IGSF10: variants seen among roughly 807,000 people sequenced by gnomAD.
The protein encoded by IGSF10 is immunoglobulin superfamily member 10.
In IGSF10, 126 loss-of-function variants were observed where a neutral mutation model predicts 128.2. That is an observed-to-expected ratio of 0.98 (90% CI 0.85 to 1.14). The LOEUF (loss-of-function observed/expected upper bound fraction) is 1.14, where lower values mean the gene tolerates loss of function less well. Ranked by LOEUF, IGSF10 falls within the 50% of genes most tolerant of loss-of-function variation. IGSF10 has a pLI of 0.00. For synonymous variants in IGSF10, 1,185 were observed against 1,146.2 expected (o/e 1.03, Z -0.68); for missense variants, 3,295 against 3,149.8 (o/e 1.05, Z -1.10).
chr3:151,512,894 C>T, the IGSF10 span, among the ~76,000 whole-genome samples: 2 of 152,202 alleles, frequency 1.3e-5, no homozygotes, highest in African/African-American at 4.8e-5. Flanking sequence ...GACACATACA[C>T]CCTCCCAAGA....
chr3:151,572,210 G>A, the IGSF10 span, among the ~76,000 whole-genome samples: 1 of 152,120 alleles, frequency 6.6e-6, no homozygotes, highest in Non-Finnish European at 1.5e-5. Context: ...GCCAGGTTTT[G>A]GTATCAGGAT....
At chr3:151,606,827 T>G in the IGSF10 span, among the ~76,000 whole-genome samples, 4 of 152,316 alleles carry the variant, frequency 2.6e-5, no homozygotes, top group South Asian at 8.3e-4. Context: ...TTTAAGTTTC[T>G]CTCTGTGATT....
chr3:151,572,643 A>G, the IGSF10 span, among the ~76,000 whole-genome samples: 1 of 151,710 alleles, frequency 6.6e-6, no homozygotes. Flanking sequence ...TGTACTATCT[A>G]TTTTGTTGAG....
At chr3:151,588,392 T>A in the IGSF10 span, among the ~76,000 whole-genome samples, 1 of 152,158 alleles carries the variant, frequency 6.6e-6, no homozygotes, top group African/African-American at 2.4e-5. Flanking sequence ...TAGCTGATTG[T>A]CTGCCATAAC....
chr3:151,610,967 A>G, the IGSF10 span, among the ~76,000 whole-genome samples: 1 of 152,190 alleles, frequency 6.6e-6, no homozygotes, highest in Admixed American at 6.6e-5. Flanking sequence ...ATTTTAGAGG[A>G]TACATTCAAA....
the IGSF10 span, among the ~76,000 whole-genome samples, chr3:151,537,062 T>G: frequency 6.6e-6 from 1 of 152,168 alleles, no homozygotes; most frequent in Non-Finnish European, 1.5e-5. Flanking sequence ...AATATTTGCT[T>G]GGGATGATTT....
the IGSF10 span, among the ~76,000 whole-genome samples, chr3:151,547,835 T>C: frequency 6.6e-6 from 1 of 152,194 alleles, no homozygotes; most frequent in Non-Finnish European, 1.5e-5. Context: ...CAAATGGAAT[T>C]CTAGGTTTAA....
the IGSF10 span, among the ~76,000 whole-genome samples, chr3:151,519,619 G>A: frequency 1.3e-5 from 2 of 151,806 alleles, no homozygotes; most frequent in African/African-American, 4.8e-5. Context: ...TGGATGGGCT[G>A]CCTGCAGAAT....
At chr3:151,435,607 T>A (rs1268083131), downstream of IGSF10, 3 of 126,778 alleles carry the variant, frequency 2.4e-5, no homozygotes, top group African/African-American at 8.7e-5. Context: ...TTCCCATTTA[T>A]AAAGCTCCTA....
At chr3:151,576,075 T>C in the IGSF10 span, among the ~76,000 whole-genome samples, 1 of 152,060 alleles carries the variant, frequency 6.6e-6, no homozygotes, top group Non-Finnish European at 1.5e-5. Context: ...CTAGGTTTGA[T>C]GTGTGCGTGT....
chr3:151,497,482 T>C, the IGSF10 span, among the ~76,000 whole-genome samples: 1 of 152,194 alleles, frequency 6.6e-6, no homozygotes, highest in Non-Finnish European at 1.5e-5. Context: ...GATCAGATAG[T>C]TGTAGATATG....
the IGSF10 span, among the ~76,000 whole-genome samples, chr3:151,514,840 T>C: frequency 1.4e-4 from 22 of 152,126 alleles, no homozygotes; most frequent in African/African-American, 5.3e-4. Context: ...AAGAAGACAT[T>C]TATGCAGCCA....
At chr3:151,609,462 C>A in the IGSF10 span, among the ~76,000 whole-genome samples, 71 of 152,158 alleles carry the variant, frequency 4.7e-4, no homozygotes, top group African/African-American at 1.7e-3. Flanking sequence ...TTTTCTCTAG[C>A]TGCCTTTTGA....
downstream of IGSF10, chr3:151,433,557 G>A (rs1475205245): frequency 6.6e-6 from 1 of 152,418 alleles, no homozygotes; most frequent in East Asian, 1.9e-4. Context: ...ATTGATGAGA[G>A]TCATTGTGAA....
the IGSF10 span, among the ~76,000 whole-genome samples, chr3:151,560,724 C>T: frequency 5.3e-5 from 8 of 151,900 alleles, 1 homozygote; most frequent in South Asian, 1.0e-3. Flanking sequence ...GTCCCACAAT[C>T]TCTTAAGCAA....
the IGSF10 span, among the ~76,000 whole-genome samples, chr3:151,606,166 A>G: frequency 6.6e-5 from 10 of 152,280 alleles, no homozygotes; most frequent in Non-Finnish European, 1.0e-4. Flanking sequence ...CGCTTTCTCT[A>G]TGATTGCATA....
In IGSF10 at chr3:151,453,754, A is replaced by G. The variant is rs7621591; in HGVS notation, c.345T>C (p.Asn115=). The G allele has an allele frequency of 0.76, 1,187,031 of 1,557,192 alleles. 454,332 individuals carry two copies. Among genetic ancestry groups the G allele is most frequent in the Middle Eastern group, 0.92 (5,383 of 5,842 alleles). ...QALQVLKMSY[N]KVRKLQKDTF... ...TATCTTTCTGAAGTTTTCGGACTTT[A>G]TTATAGCTCATTTTTAAGACCTATG... The change falls in exon 5 of 8, where the codon AAT becomes AAC. Residue 115 remains asparagine (N), a synonymous_variant. Transcript: ENST00000282466.
chr3:151,438,679 C>G, intron 7 of IGSF10, 82 bp from the exon 8 acceptor site: 1 of 1,037,146 alleles, frequency 9.6e-7, no homozygotes, highest in East Asian at 2.5e-5. Context: ...CTCCCTCTGC[C>G]CCAGCTTTAT....
chr3:151,485,776 T>G, the IGSF10 span, among the ~76,000 whole-genome samples: 1 of 152,158 alleles, frequency 6.6e-6, no homozygotes, highest in African/African-American at 2.4e-5. Context: ...CCATCAGGCC[T>G]GCCTTACAAG....
Sources: gnomAD v4.1 joint callset for allele counts (sites outside exome capture counted in the v4.1 genomes callset) on GRCh38, gnomAD v4.1.1 for gene constraint, MANE v1.5 for transcripts, NCBI Gene and HGNC (gene_info 2026-07-23, HGNC 2026-07-21) for gene names.